Variants in SOX5 observed in about 807,000 individuals in gnomAD.
The protein encoded by SOX5 is transcription factor SOX-5.
SOX5 carries 9 observed loss-of-function variants against 92.0 expected under a neutral mutation model. The ratio of observed to expected loss-of-function variants is 0.10; its 90% CI spans 0.06 to 0.17. The LOEUF (loss-of-function observed/expected upper bound fraction) is 0.17. Among genes scored for constraint, SOX5 ranks in the 10% least tolerant of loss-of-function variants. The pLI is 1.00. For missense variants in SOX5, 642 were observed against 944.5 expected, an observed-to-expected ratio of 0.68 and a Z score of 4.20; for synonymous variants, 344 against 336.3, an observed-to-expected ratio of 1.02 and a Z score of -0.25.
At chr12:23,577,534 GATT>G (rs1949359256) in intron 9 of SOX5, among the ~76,000 whole-genome samples, 1 of 151,628 alleles carries the variant, frequency 6.6e-6, no homozygotes, top group Non-Finnish European at 1.5e-5. Flanking sequence ...AATATTATTA[GATT>G]ATTATTTGAT....
chr12:24,447,845 G>A (rs1467036786), intron 1 of SOX5, among the ~76,000 whole-genome samples: 1 of 152,178 alleles, frequency 6.6e-6, no homozygotes, highest in Non-Finnish European at 1.5e-5. Context: ...AACACTGTGG[G>A]AAACCCAAGG....
intron 7 of SOX5, among the ~76,000 whole-genome samples, chr12:23,656,946 G>A (rs2082379079): frequency 6.6e-6 from 1 of 151,924 alleles, no homozygotes; most frequent in African/African-American, 2.4e-5. Context: ...CAGTCAGAAA[G>A]TGCCACCTTT....
intron 8 of SOX5, among the ~76,000 whole-genome samples, chr12:23,626,671 C>T (rs1436193556): frequency 1.2e-4 from 14 of 116,512 alleles, no homozygotes; most frequent in African/African-American, 1.6e-4. Flanking sequence ...TTCATTAGTG[C>T]TTTTTTTTTT....
At chr12:24,310,969 A>G (rs1163908149) in intron 2 of SOX5, among the ~76,000 whole-genome samples, 1 of 152,202 alleles carries the variant, frequency 6.6e-6, no homozygotes, top group Non-Finnish European at 1.5e-5. Flanking sequence ...CAAGCTTAGA[A>G]CACAATAACC....
At chr12:24,551,833 A>C (rs1953210309) in intron 1 of SOX5, among the ~76,000 whole-genome samples, 1 of 152,202 alleles carries the variant, frequency 6.6e-6, no homozygotes, top group Non-Finnish European at 1.5e-5. Flanking sequence ...CTCTAGCCAT[A>C]GTAATCATAA....
At chr12:23,896,081 G>A (rs528239880) in intron 1 of SOX5, 57 bp from the exon 2 acceptor site, 29 of 1,224,856 alleles carry the variant, frequency 2.4e-5, no homozygotes, top group South Asian at 2.1e-4. Flanking sequence ...CCTTAATGCC[G>A]TCATTGTGTG....
chr12:24,095,134 G>GAGAGAGAGAGAGAGAT (rs1945214116), intron 4 of SOX5, among the ~76,000 whole-genome samples: 1 of 63,192 alleles, frequency 1.6e-5, no homozygotes, highest in South Asian at 5.4e-4. Flanking sequence ...CACACAGAGA[G>GAGAGAGAGAGAGAGAT]AGAGAGAGAG....
intron 3 of SOX5, among the ~76,000 whole-genome samples, chr12:23,843,206 C>G (rs2096538092): frequency 7.5e-6 from 1 of 134,218 alleles, no homozygotes; most frequent in African/African-American, 2.5e-5. Flanking sequence ...GCTGTCACAG[C>G]CAAAAAAAGC....
chr12:24,220,909 A>C (rs1452093900), intron 3 of SOX5, among the ~76,000 whole-genome samples: 1 of 152,162 alleles, frequency 6.6e-6, no homozygotes, highest in Non-Finnish European at 1.5e-5. Flanking sequence ...GTCTGAAGAA[A>C]ACATGTATTG....
At chr12:23,563,223 G>C (rs1477099893) in intron 11 of SOX5, 35 bp downstream of exon 11, 1 of 1,522,460 alleles carries the variant, frequency 6.6e-7, no homozygotes, top group African/African-American at 1.4e-5. Context: ...ATTTAATTAA[G>C]TATTTCTAGA....
intron 3 of SOX5, among the ~76,000 whole-genome samples, chr12:23,793,657 C>T (rs2095515019): frequency 6.6e-6 from 1 of 152,140 alleles, no homozygotes; most frequent in African/African-American, 2.4e-5. Context: ...TGGGGAAGCT[C>T]TAAGAAGCCA....
chr12:23,878,321 T>G (rs768542237), intron 2 of SOX5, among the ~76,000 whole-genome samples: 5 of 152,074 alleles, frequency 3.3e-5, no homozygotes, highest in African/African-American at 4.8e-5. Context: ...GTTCCAAATA[T>G]TTCTGTATAA....
intron 8 of SOX5, among the ~76,000 whole-genome samples, chr12:23,634,891 G>A (rs1243028663): frequency 1.3e-5 from 2 of 152,036 alleles, no homozygotes; most frequent in Non-Finnish European, 2.9e-5. Context: ...CAAAATAGAT[G>A]AATAATTTAT....
At chr12:24,080,785 T>C (rs1169751018) in intron 4 of SOX5, among the ~76,000 whole-genome samples, 3 of 151,970 alleles carry the variant, frequency 2.0e-5, no homozygotes, top group Non-Finnish European at 4.4e-5. Context: ...GCACAAATAT[T>C]TGATAAGCAA....
chr12:23,708,577 G>T (rs909733489), intron 6 of SOX5, among the ~76,000 whole-genome samples: 62 of 152,126 alleles, frequency 4.1e-4, no homozygotes, highest in African/African-American at 1.4e-3. Flanking sequence ...ACATTGATCT[G>T]ACAGCAATGC....
chr12:24,545,679 A>C (rs4457842), intron 1 of SOX5, among the ~76,000 whole-genome samples: 28,390 of 152,222 alleles, frequency 0.19, 2,868 homozygotes, highest in African/African-American at 0.26. Flanking sequence ...GGTTGTTTGT[A>C]GTGGATGCTG....
chr12:24,210,074 T>G (rs1958443071), intron 4 of SOX5, among the ~76,000 whole-genome samples: 1 of 123,362 alleles, frequency 8.1e-6, no homozygotes, highest in Admixed American at 8.1e-5. Flanking sequence ...CAAGTATCAA[T>G]AATATCTACT....
rs1957720035 is a variant in SOX5, at chr12:24,053,095, GCTT to G, written c.-1-157074_-1-157072del. ...CAAATAAAAACTTTTTCCACCCTTT[GCTT>G]CTTTTTTTCTTTACTTTGATATGTG... is the stretch of plus-strand genomic sequence containing the variant. On this transcript the variant is annotated intron_variant, in intron 4 of 4. Transcript: ENST00000446891. Among the ~76,000 whole-genome samples the G allele has an allele frequency of 2.6e-5, 4 of 151,822 alleles. No homozygotes were observed. In the South Asian group the frequency reaches 8.3e-4, roughly 32 times the overall value.
chr12:24,019,703 C>T (rs1240580097), intron 4 of SOX5, among the ~76,000 whole-genome samples: 1 of 152,170 alleles, frequency 6.6e-6, no homozygotes, highest in Non-Finnish European at 1.5e-5. Context: ...AAGTTCACTG[C>T]AACTGTGGTT....
Sources: allele counts gnomAD v4.1 joint callset (sites outside exome capture counted in the v4.1 genomes callset), GRCh38; gene constraint gnomAD v4.1.1; transcripts MANE v1.5; gene names NCBI Gene and HGNC (gene_info 2026-07-23, HGNC 2026-07-21).